CCSER1: variants seen among roughly 807,000 people sequenced by gnomAD.
CCSER1 encodes the protein coiled-coil serine rich protein 1, also known as serine-rich coiled-coil domain-containing protein 1.
Under a neutral mutation model 82.0 loss-of-function variants are expected in CCSER1, and 41 were observed. The ratio of observed to expected loss-of-function variants is 0.50; its 90% CI spans 0.39 to 0.65. The LOEUF (loss-of-function observed/expected upper bound fraction) is 0.65, where lower values mean the gene tolerates loss of function less well. Among genes scored for constraint, CCSER1 ranks in the 30% least tolerant of loss-of-function variants. CCSER1 has a pLI of 0.00. For synonymous variants in CCSER1, 414 were observed against 383.9 expected, an observed-to-expected ratio of 1.08 and a Z score of -0.92; for missense variants, 1,119 against 1,064.2, an observed-to-expected ratio of 1.05 and a Z score of -0.72.
rs970767881 is a variant in CCSER1 at position 91,131,324 on chromosome 4, C to A, written c.2217+45330C>A. Among the ~76,000 whole-genome samples the A allele has an allele frequency of 9.8e-5, 13 of 132,240 alleles. No homozygotes were observed. In the South Asian group the frequency reaches 2.3e-3, roughly 23 times the overall value. The allele number at this position is 132,240 out of a possible 152,430, so 86.8% of individuals were successfully genotyped here. On this transcript the variant is annotated intron_variant, in intron 10 of 10. Coordinates refer to ENST00000509176, the MANE Select transcript of CCSER1 (RefSeq NM_001145065.2). ...TTGTCTCCTTTAATCTAGAACAGTT[C>A]TCCCCTCTTTTTTTTTTTTTTTGAT...
At position 91,070,087 on chromosome 4, in the gene CCSER1, C is replaced by G. The variant is rs150153410; in HGVS notation, c.2173-15863C>G. On this transcript the variant is annotated intron_variant, in intron 9 of 10. Coordinates refer to ENST00000509176, the MANE Select transcript of CCSER1 (RefSeq NM_001145065.2). ...AGAAGCTCCGCCTCCCGAGTTCATG[C>G]CATTCTCCTGCCTCAGCCTCCCAAG... Among the ~76,000 whole-genome samples, 8 of 151,884 alleles carry G rather than the reference C, an allele frequency of 5.3e-5. No individual in the cohort carries two copies. The East Asian group carries it at 1.6e-3, about 30-fold the overall frequency.
intron 10 of CCSER1, among the ~76,000 whole-genome samples, chr4:91,400,111 G>T (rs1276992665): frequency 6.6e-6 from 1 of 151,892 alleles, no homozygotes; most frequent in Non-Finnish European, 1.5e-5. Context: ...TCACTAAGAC[G>T]CAAATGTGCA....
chr4:90,359,138 G>C (rs1222250795), intron 3 of CCSER1, among the ~76,000 whole-genome samples: 2 of 152,152 alleles, frequency 1.3e-5, no homozygotes, highest in African/African-American at 2.4e-5. Flanking sequence ...AGGGGTGATA[G>C]TCTAGTTGAG....
intron 5 of CCSER1, among the ~76,000 whole-genome samples, chr4:90,627,315 T>A (rs138607308): frequency 4.9e-4 from 74 of 152,214 alleles, no homozygotes; most frequent in African/African-American, 1.7e-3. Context: ...TCTGTATTAT[T>A]GCCTGACCTT....
chr4:91,006,736 C>A (rs1374112505), intron 9 of CCSER1, among the ~76,000 whole-genome samples: 1 of 152,076 alleles, frequency 6.6e-6, no homozygotes, highest in African/African-American at 2.4e-5. Context: ...CGTGATCCAC[C>A]CGCCTTGGCC....
chr4:90,630,328 T>C (rs927309582), intron 6 of CCSER1, among the ~76,000 whole-genome samples: 3 of 152,128 alleles, frequency 2.0e-5, no homozygotes, highest in Non-Finnish European at 2.9e-5. Flanking sequence ...TAATAACAAA[T>C]CAGTTAAAGC....
At chr4:91,194,687 C>T (rs766621928) in intron 10 of CCSER1, among the ~76,000 whole-genome samples, 21 of 152,138 alleles carry the variant, frequency 1.4e-4, no homozygotes, top group Admixed American at 5.2e-4. Flanking sequence ...CACACACACA[C>T]ACACACAAAT....
At chr4:90,462,954 A>G (rs1355723421) in intron 4 of CCSER1, among the ~76,000 whole-genome samples, 1 of 152,206 alleles carries the variant, frequency 6.6e-6, no homozygotes, top group Non-Finnish European at 1.5e-5. Flanking sequence ...CAATAGACTT[A>G]TAACCATTGT....
chr4:90,890,671 C>A (rs1440269205), intron 8 of CCSER1, among the ~76,000 whole-genome samples: 4 of 152,194 alleles, frequency 2.6e-5, no homozygotes, highest in Non-Finnish European at 5.9e-5. Flanking sequence ...CCTCTGAGAT[C>A]TTGAAGCAGT....
intron 10 of CCSER1, among the ~76,000 whole-genome samples, chr4:91,471,131 C>T (rs1757251894): frequency 6.6e-6 from 1 of 152,078 alleles, no homozygotes; most frequent in Non-Finnish European, 1.5e-5. Flanking sequence ...TTGTCCAGTT[C>T]AACAATATTT....
At chr4:91,416,090 T>A (rs996642074) in intron 10 of CCSER1, among the ~76,000 whole-genome samples, 9 of 152,076 alleles carry the variant, frequency 5.9e-5, no homozygotes, top group African/African-American at 2.2e-4. Flanking sequence ...TATTGGTCTA[T>A]TCAGGGATTC....
At chr4:90,906,444 G>C (rs1412569887) in intron 8 of CCSER1, among the ~76,000 whole-genome samples, 1 of 152,010 alleles carries the variant, frequency 6.6e-6, no homozygotes, top group Admixed American at 6.6e-5. Flanking sequence ...CCTTATGCTT[G>C]TGTTTCTGGA....
At chr4:91,439,447 C>CA (rs1431935312) in intron 10 of CCSER1, among the ~76,000 whole-genome samples, 1 of 151,852 alleles carries the variant, frequency 6.6e-6, no homozygotes, top group Non-Finnish European at 1.5e-5. Flanking sequence ...ACTTTGTCAC[C>CA]ACCAGGCCTG....
rs1175996232 is a variant in CCSER1, at chr4:90,312,959, T to C, written c.1421T>C (p.Ile474Thr). 3 of 1,598,240 alleles carry C rather than the reference T, an allele frequency of 1.9e-6. No homozygotes were observed. In the East Asian group the frequency reaches 6.7e-5, roughly 36 times the overall value. The stretch of plus-strand genomic sequence containing the variant: ...GGCACTGCAGGGAGTAGCAGAATGA[T>C]TTTGAAACCGAAAGATGGAAATATA... The part of the protein sequence containing the change: ...SEGTAGSSRM[I>T]LKPKDGNIEE... Residue 474 changes from isoleucine (I) to threonine (T), a missense_variant, in exon 3 of 11, where the codon ATT becomes ACT. By Grantham distance (89) the Ile-to-Thr change is moderately conservative (BLOSUM62 -1). Transcript: ENST00000509176.
intron 5 of CCSER1, among the ~76,000 whole-genome samples, chr4:90,611,555 AT>A (rs577898626): frequency 0.021 from 3,065 of 145,178 alleles, 108 homozygotes; most frequent in African/African-American, 0.07. Flanking sequence ...ACTGAAACAC[AT>A]TTTTTTTTTT....
chr4:90,248,534 C>T (rs1163097491), intron 1 of CCSER1, among the ~76,000 whole-genome samples: 1 of 152,116 alleles, frequency 6.6e-6, no homozygotes, highest in Non-Finnish European at 1.5e-5. Flanking sequence ...CACTAACCTT[C>T]TGCTCAGGTC....
intron 8 of CCSER1, among the ~76,000 whole-genome samples, chr4:90,856,401 A>T (rs2149960921): frequency 6.6e-6 from 1 of 152,298 alleles, no homozygotes; most frequent in South Asian, 2.1e-4. Context: ...TTAACTTGAC[A>T]TCTTGACTTT....
intron 8 of CCSER1, among the ~76,000 whole-genome samples, chr4:90,873,030 G>T (rs962187700): frequency 1.3e-5 from 2 of 151,934 alleles, no homozygotes; most frequent in African/African-American, 4.8e-5. Context: ...TGGGGAGTTT[G>T]ATTATTAAAT....
At chr4:90,960,957 C>A (rs1229881317) in intron 9 of CCSER1, among the ~76,000 whole-genome samples, 1 of 152,112 alleles carries the variant, frequency 6.6e-6, no homozygotes, top group Non-Finnish European at 1.5e-5. Context: ...GTAACACAGG[C>A]AGTTTGGCTC....
Sources: allele counts gnomAD v4.1 joint callset (sites outside exome capture counted in the v4.1 genomes callset), GRCh38; gene constraint gnomAD v4.1.1; transcripts MANE v1.5; gene names NCBI Gene and HGNC (gene_info 2026-07-23, HGNC 2026-07-21).